Variants in UXT observed in about 807,000 individuals in gnomAD.
UXT encodes the protein ubiquitously expressed prefoldin like chaperone.
For synonymous variants in UXT, 54 were observed against 52.8 expected, an observed-to-expected ratio of 1.02 and a Z score of -0.10; for missense variants, 111 against 132.7, an observed-to-expected ratio of 0.84 and a Z score of 0.80.
intron 3 of UXT, 22 bp downstream of exon 4, chrX:47,657,550 A>G (rs1260471895): frequency 6.7e-6 from 8 of 1,201,546 alleles, no homozygotes; most frequent in Non-Finnish European, 9.0e-6. Flanking sequence ...CTGTGGGCTC[A>G]GAGGGGCGGG....
chrX:47,652,919 G>A (rs910798809), intron 4 of UXT, among the ~76,000 whole-genome samples: 4 of 111,984 alleles, frequency 3.6e-5, no homozygotes, highest in African/African-American at 9.7e-5. Context: ...ATCAGATCTC[G>A]CCCAAAAGAA....
intron 1 of UXT, among the ~76,000 whole-genome samples, chrX:47,658,571 C>T (rs912421465): frequency 8.9e-6 from 1 of 112,161 alleles, no homozygotes; most frequent in Non-Finnish European, 1.9e-5. Flanking sequence ...AGGATTCGAA[C>T]CCGAGAACTG....
At position 47,657,646 on chromosome X, in the gene UXT, G is replaced by C. The variant is rs1396702745; in HGVS notation, c.217-7C>G. 8.3e-7 allele frequency: 1 copy of C among 1,208,922 alleles called. No individual in the cohort carries two copies. Among genetic ancestry groups the C allele is most frequent in the South Asian group, 1.8e-5 (1 of 56,581 alleles). ...ACTCCGAGTGCTTAGCTTCCTGTGG[G>C]GCCAGGGAAAAAGAGGTAGGGGTCA... On this transcript the variant is annotated splice_region_variant and splice_polypyrimidine_tract_variant and intron_variant, in intron 2 of 5. Transcript: ENST00000335890.
intron 2 of UXT, 46 bp downstream of exon 3, chrX:47,657,736 T>C (rs2058088335): frequency 8.4e-7 from 1 of 1,184,426 alleles, no homozygotes; most frequent in African/African-American, 1.8e-5. Context: ...TTCCCTCCCT[T>C]GCCCACACAT....
chrX:47,657,368 C>A, intron 3 of UXT, 78 bp from the exon 5 acceptor site: 1 of 940,789 alleles, frequency 1.1e-6, no homozygotes, highest in Non-Finnish European at 1.5e-6. Flanking sequence ...GCTCCCCACC[C>A]TTCCCCAAAT....
At chrX:47,656,606 C>T (rs779947491) in intron 4 of UXT, among the ~76,000 whole-genome samples, 2 of 110,994 alleles carry the variant, frequency 1.8e-5, no homozygotes, top group East Asian at 2.8e-4. Context: ...TTAAGCAAGA[C>T]GAGTGAGTGA....
chrX:47,657,312 G>A, intron 3 of UXT, 22 bp from the exon 5 acceptor site: 2 of 1,099,983 alleles, frequency 1.8e-6, no homozygotes, highest in Non-Finnish European at 2.5e-6. Flanking sequence ...GAGGTTAGAG[G>A]AAGTGGGGAG....
chrX:47,657,147 G>A (rs1423816734), intron 4 of UXT, 36 bp downstream of exon 5: 3 of 1,072,091 alleles, frequency 2.8e-6, no homozygotes, highest in African/African-American at 3.7e-5. Flanking sequence ...GGAAATGGTG[G>A]TGTTTTTACA....
At chrX:47,651,953 C>T in intron 5 of UXT, 58 bp from the exon 7 acceptor site, 1 of 1,187,384 alleles carries the variant, frequency 8.4e-7, no homozygotes, top group Non-Finnish European at 1.1e-6. Context: ...CGCCCCCAGG[C>T]TTGCTCTGAC....
intron 4 of UXT, among the ~76,000 whole-genome samples, chrX:47,656,348 A>G (rs969071801): frequency 6.3e-5 from 7 of 111,812 alleles, no homozygotes; most frequent in African/African-American, 2.3e-4. Flanking sequence ...TCTTAAAAAC[A>G]AAAACACAGA....
intron 4 of UXT, among the ~76,000 whole-genome samples, chrX:47,655,137 G>A (rs913030541): frequency 9.0e-6 from 1 of 111,634 alleles, no homozygotes; most frequent in African/African-American, 3.3e-5. Flanking sequence ...AAAATTAGTC[G>A]GGAGTGGTGG....
chrX:47,652,112 T>C lies in UXT; in HGVS notation c.425A>G (p.Asn142Ser), dbSNP rs1390228223. 8.3e-7 allele frequency: 1 copy of C among 1,207,517 alleles called. No homozygotes were observed. The highest frequency in any genetic ancestry group is 1.1e-6 in the Non-Finnish European group (1 of 893,919). Residue 142 changes from asparagine (N) to serine (S), a missense_variant, in exon 5 of 6, where the codon AAT (asparagine) becomes AGT (serine). Physicochemically the swap from Asn to Ser is conservative, Grantham distance 46. Coordinates refer to ENST00000335890, the MANE Select transcript of UXT (RefSeq NM_153477.3). ...CAACATGTGGATATGGGCTTTGATA[T>C]TCATGGAGTCCTTGGTGAGGCTGTT...
intron 4 of UXT, 78 bp from the exon 6 acceptor site, chrX:47,652,222 C>A: frequency 1.1e-6 from 1 of 935,738 alleles, no homozygotes; most frequent in Non-Finnish European, 1.5e-6. Context: ...TCAAGATCTA[C>A]TTATATCCTG....
At position 47,651,862 on chromosome X, in the gene UXT, G is replaced by C. The variant is rs369710700; in HGVS notation, c.490C>G (p.Pro164Ala). 3 of 1,211,648 alleles carry C rather than the reference G, an allele frequency of 2.5e-6. No individual in the cohort carries two copies. Among genetic ancestry groups the C allele is most frequent in the Non-Finnish European group, 2.2e-6 (2 of 895,318 alleles). ...AGAAGTCAATGGTGAGGCTTCTCTGGGAAATTCTGCAGGCCTTGTAGTTCT... is the reference window on the plus strand; with the variant it reads ...AGAAGTCAATGGTGAGGCTTCTCTGCGAAATTCTGCAGGCCTTGTAGTTCT... The change falls in exon 6 of 6, where the codon CCA becomes GCA. Residue 164 changes from proline (P) to alanine (A), a missense_variant. Transcript: ENST00000335890.
rs373942565 is a variant in UXT, at chrX:47,655,424, C to T, written c.392+1759G>A. Among the ~76,000 whole-genome samples the T allele has an allele frequency of 1.6e-4, 18 of 112,140 alleles. No homozygotes were observed. In the East Asian group the frequency reaches 3.9e-3, roughly 24 times the overall value. ...AGCAGGTCTGAGGTTCTTTTGGGTC[C>T]ACTAGCACCTGCTAGTCCTTCCCAT... On this transcript the variant is annotated intron_variant, in intron 4 of 5. Transcript: ENST00000335890.
chrX:47,656,952 G>A (rs2058085453), intron 4 of UXT, among the ~76,000 whole-genome samples: 1 of 112,000 alleles, frequency 8.9e-6, no homozygotes, highest in Non-Finnish European at 1.9e-5. Context: ...ACAGTGCCTG[G>A]CATACAGAAG....
In UXT at chrX:47,651,843, C is replaced by T. The variant is rs1206125752; in HGVS notation, c.509G>A (p.Ter170=). 8.3e-7 allele frequency: 1 copy of T among 1,211,156 alleles called. No individual in the cohort carries two copies. Among genetic ancestry groups the T allele is most frequent in the Non-Finnish European group, 1.1e-6 (1 of 895,088 alleles). Residue 170 remains the stop codon, a stop_retained_variant, in exon 6 of 6, where the codon TGA becomes TAA. Transcript: ENST00000335890. ...ATGTCTGAGGATGGGGGGAAGAAGTCAATGGTGAGGCTTCTCTGGGAAATT... is the reference window on the plus strand; with the variant it reads ...ATGTCTGAGGATGGGGGGAAGAAGTTAATGGTGAGGCTTCTCTGGGAAATT...
At chrX:47,658,649 T>C (rs1024386299) in intron 1 of UXT, among the ~76,000 whole-genome samples, 181 bp downstream of exon 2, 1 of 112,526 alleles carries the variant, frequency 8.9e-6, no homozygotes, top group Non-Finnish European at 1.9e-5. Context: ...ACGCCCCTGC[T>C]ATGAACGCCA....
intron 4 of UXT, among the ~76,000 whole-genome samples, chrX:47,656,283 C>T (rs975288357): frequency 4.5e-5 from 5 of 111,726 alleles, no homozygotes; most frequent in African/African-American, 1.6e-4. Flanking sequence ...ATGCTATGAT[C>T]GCAGCTGTAA....
Sources: gnomAD v4.1 joint callset for allele counts (sites outside exome capture counted in the v4.1 genomes callset) on GRCh38, gnomAD v4.1.1 for gene constraint, MANE v1.5 for transcripts, NCBI Gene and HGNC (gene_info 2026-07-23, HGNC 2026-07-21) for gene names.